Variants in PTPRM observed in about 807,000 individuals in gnomAD.
The protein encoded by PTPRM is receptor-type tyrosine-protein phosphatase mu.
In PTPRM, 47 loss-of-function variants were observed where a neutral mutation model predicts 186.7. The ratio of observed to expected loss-of-function variants is 0.25; its 90% CI spans 0.20 to 0.32. The LOEUF (loss-of-function observed/expected upper bound fraction) is 0.32. PTPRM is among the 10% of genes least tolerant of loss of function. The pLI is 1.00. For missense variants in PTPRM, 1,494 were observed against 1,865.0 expected, an observed-to-expected ratio of 0.80 and a Z score of 3.66; for synonymous variants, 668 against 674.9, an observed-to-expected ratio of 0.99 and a Z score of 0.16.
intron 19 of PTPRM, among the ~76,000 whole-genome samples, chr18:8,280,051 C>G (rs189086392): frequency 6.6e-6 from 1 of 151,756 alleles, no homozygotes; most frequent in East Asian, 2.0e-4. Flanking sequence ...TGATGCATCT[C>G]TAAGAGTGGG....
intron 1 of PTPRM, among the ~76,000 whole-genome samples, chr18:7,627,585 A>T (rs1488680568): frequency 6.6e-6 from 1 of 152,160 alleles, no homozygotes; most frequent in Admixed American, 6.5e-5. Context: ...ACCTGCGGTG[A>T]GGCTCGGTTC....
chr18:7,604,010 T>C (rs2037469711), intron 1 of PTPRM, among the ~76,000 whole-genome samples: 1 of 152,232 alleles, frequency 6.6e-6, no homozygotes, highest in Non-Finnish European at 1.5e-5. Context: ...ATTTATAAAA[T>C]CATCACATTA....
At position 7,691,621 on chromosome 18, in the gene PTPRM, G is replaced by A. The variant is rs965710714; in HGVS notation, c.74-82528G>A. ...TTAAATAACTTTAAGAAGTCAGAGCGTGAGGCTAGGCACCATAGTTCACAC... is the reference window on the plus strand; with the variant it reads ...TTAAATAACTTTAAGAAGTCAGAGCATGAGGCTAGGCACCATAGTTCACAC... On this transcript the variant is annotated intron_variant, in intron 1 of 32. Coordinates refer to ENST00000580170, the MANE Select transcript of PTPRM (RefSeq NM_001105244.2). Among the ~76,000 whole-genome samples, 6 of 152,072 alleles carry A rather than the reference G, an allele frequency of 3.9e-5. No homozygotes were observed. In the East Asian group the frequency reaches 7.7e-4, roughly 20 times the overall value.
chr18:8,230,469 A>G (rs531325355), intron 14 of PTPRM, among the ~76,000 whole-genome samples: 3 of 152,366 alleles, frequency 2.0e-5, no homozygotes, highest in African/African-American at 7.2e-5. Context: ...CCAGATTCCC[A>G]GGATCATTTT....
intron 21 of PTPRM, among the ~76,000 whole-genome samples, chr18:8,316,533 C>A (rs1251458554): frequency 6.6e-6 from 1 of 152,122 alleles, no homozygotes; most frequent in African/African-American, 2.4e-5. Context: ...TACTGAGGGC[C>A]TCTTTATTCT....
chr18:8,092,171 G>T (rs2090770262), intron 11 of PTPRM, among the ~76,000 whole-genome samples: 1 of 152,030 alleles, frequency 6.6e-6, no homozygotes, highest in Non-Finnish European at 1.5e-5. Flanking sequence ...ACTCAGCTTG[G>T]TTCATGTAGA....
At chr18:8,234,373 A>C (rs1034031921) in intron 14 of PTPRM, among the ~76,000 whole-genome samples, 3 of 152,146 alleles carry the variant, frequency 2.0e-5, no homozygotes, top group Non-Finnish European at 4.4e-5. Context: ...TTTAATGTCA[A>C]ATTACAGTTG....
intron 1 of PTPRM, among the ~76,000 whole-genome samples, chr18:7,606,529 C>T (rs2037533698): frequency 6.6e-6 from 1 of 151,942 alleles, no homozygotes; most frequent in East Asian, 1.9e-4. Flanking sequence ...TCATGTCTGA[C>T]TTTGAATTGT....
At chr18:7,789,419 A>G (rs573122928) in intron 2 of PTPRM, among the ~76,000 whole-genome samples, 22 of 152,194 alleles carry the variant, frequency 1.4e-4, no homozygotes, top group Non-Finnish European at 2.6e-4. Flanking sequence ...AGCAAAGTTG[A>G]TCAATGCTTT....
rs544509882 is a variant in PTPRM, at chr18:7,920,919, G to T, written c.548-5649G>T. 4.6e-5 allele frequency among the ~76,000 whole-genome samples: 7 copies of T among 152,234 alleles called. No individual in the cohort carries two copies. In the East Asian group the frequency reaches 1.2e-3, roughly 25 times the overall value. ...AAAAAAATTTCCACACTTTGAAAAT[G>T]TCTTCTTATACACTCCTGTTTTCAT... On this transcript the variant is annotated intron_variant, in intron 4 of 32. Coordinates refer to ENST00000580170, the MANE Select transcript of PTPRM (RefSeq NM_001105244.2).
At chr18:7,834,415 ATATGTATATGTAAATATAAG>A (rs202121483) in intron 2 of PTPRM, among the ~76,000 whole-genome samples, 84,596 of 132,090 alleles carry the variant, frequency 0.64, 27,911 homozygotes, top group East Asian at 0.95. Flanking sequence ...TAAATATAAT[ATATGTATATGTAAATATAAG>A]TATGTATATG....
intron 1 of PTPRM, among the ~76,000 whole-genome samples, chr18:7,722,991 G>A (rs910716238): frequency 1.7e-4 from 26 of 152,162 alleles, no homozygotes; most frequent in Admixed American, 6.5e-5. Context: ...TTTGGTGAAT[G>A]GAAAGTTAGT....
intron 23 of PTPRM, among the ~76,000 whole-genome samples, chr18:8,344,448 G>GTATA (rs1207996603): frequency 0.015 from 504 of 33,392 alleles, 9 homozygotes; most frequent in South Asian, 0.042. Context: ...GTGTGTGTGT[G>GTATA]TATATATATA....
Position 8,406,478 on chromosome 18 carries a change from G to A in PTPRM, c.*316G>A, listed in dbSNP as rs2095906827. 1 of 282,694 alleles carries A rather than the reference G, an allele frequency of 3.5e-6. No homozygotes were observed. The highest frequency in any genetic ancestry group is 4.8e-5 in the Admixed American group (1 of 21,028). 17.5% of individuals were successfully genotyped at this position (282,694 alleles called of 1,614,324 possible). ...TTCTTATGAAGGAATTTGTACCTTT[G>A]GGGTATTATTTTGTGGCCCGTGACC... On this transcript the variant is annotated 3_prime_UTR_variant, in exon 33 of 33. Coordinates refer to ENST00000580170, the MANE Select transcript of PTPRM (RefSeq NM_001105244.2).
At chr18:8,404,316 C>T (rs576300584) in intron 32 of PTPRM, 4 of 152,344 alleles carry the variant, frequency 2.6e-5, no homozygotes, top group Admixed American at 6.5e-5. Flanking sequence ...TCTCTGTCTT[C>T]GCCTCTGGAT....
At chr18:8,049,894 G>A (rs895398968) in intron 7 of PTPRM, among the ~76,000 whole-genome samples, 1 of 151,912 alleles carries the variant, frequency 6.6e-6, no homozygotes, top group Non-Finnish European at 1.5e-5. Context: ...TGTATTTTTA[G>A]TAGATACAGG....
At chr18:8,399,089 C>T (rs1568911874) in intron 32 of PTPRM, among the ~76,000 whole-genome samples, 1 of 152,154 alleles carries the variant, frequency 6.6e-6, no homozygotes, top group Non-Finnish European at 1.5e-5. Flanking sequence ...AATCAGGCAA[C>T]ATGTCATTCT....
At chr18:7,859,043 A>T (rs1599105683) in intron 2 of PTPRM, among the ~76,000 whole-genome samples, 1 of 152,356 alleles carries the variant, frequency 6.6e-6, no homozygotes, top group East Asian at 1.9e-4. Context: ...AAAGTGCAGG[A>T]AATATGAAAT....
intron 7 of PTPRM, among the ~76,000 whole-genome samples, chr18:8,018,670 T>C (rs1404887732): frequency 1.3e-5 from 2 of 152,208 alleles, no homozygotes; most frequent in Non-Finnish European, 2.9e-5. Context: ...GACATGTTAA[T>C]AATTTATGTA....
Sources: allele counts gnomAD v4.1 joint callset (sites outside exome capture counted in the v4.1 genomes callset), GRCh38; gene constraint gnomAD v4.1.1; transcripts MANE v1.5; gene names NCBI Gene and HGNC (gene_info 2026-07-23, HGNC 2026-07-21).